The following PLD1 variants were observed in gnomAD, a reference collection of about 807,000 sequenced individuals.
PLD1 encodes the protein phospholipase D1, also known as choline phosphatase 1.
PLD1 carries 112 observed loss-of-function variants against 137.1 expected under a neutral mutation model. The observed-to-expected ratio is 0.82, with a 90% CI of 0.70 to 0.96. PLD1 has a LOEUF of 0.96. Among genes scored for constraint, PLD1 ranks in the 40% least tolerant of loss-of-function variants. PLD1 has a pLI of 0.00. For synonymous variants in PLD1, 431 were observed against 454.7 expected (o/e 0.95, Z 0.66); for missense variants, 1,321 against 1,342.0 (o/e 0.98, Z 0.24).
At chr3:171,738,298 CAA>C (rs1182355997) in intron 1 of PLD1, among the ~76,000 whole-genome samples, 1 of 137,836 alleles carries the variant, frequency 7.3e-6, no homozygotes, top group African/African-American at 2.7e-5. Context: ...TAATTGAAAA[CAA>C]GAGAAAAAAA....
chr3:171,774,891 G>T (rs1161995192), intron 1 of PLD1, among the ~76,000 whole-genome samples: 2 of 152,130 alleles, frequency 1.3e-5, no homozygotes, highest in Admixed American at 1.3e-4. Flanking sequence ...TGTTCAGGGA[G>T]GATATCCAGC....
chr3:171,615,387 G>A (rs906426273), intron 24 of PLD1, among the ~76,000 whole-genome samples: 1 of 152,074 alleles, frequency 6.6e-6, no homozygotes, highest in Non-Finnish European at 1.5e-5. Context: ...AAATACAAAA[G>A]GCTATATGAA....
At chr3:171,616,935 T>C (rs1306443002) in intron 24 of PLD1, among the ~76,000 whole-genome samples, 3 of 152,240 alleles carry the variant, frequency 2.0e-5, no homozygotes, top group Non-Finnish European at 4.4e-5. Flanking sequence ...GGTTCTTCTA[T>C]TGAGCACACT....
intron 5 of PLD1, 96 bp downstream of exon 5, chr3:171,734,769 A>G (rs768356811): frequency 8.5e-6 from 6 of 704,134 alleles, no homozygotes; most frequent in Non-Finnish European, 1.5e-5. Context: ...GGATGAGAGG[A>G]GTTGTAGCCA....
intron 1 of PLD1, among the ~76,000 whole-genome samples, chr3:171,799,753 G>T (rs1326901222): frequency 6.6e-6 from 1 of 152,140 alleles, no homozygotes; most frequent in Non-Finnish European, 1.5e-5. Flanking sequence ...ATGTACCCTT[G>T]ATACGATGTA....
intron 1 of PLD1, among the ~76,000 whole-genome samples, chr3:171,762,093 G>A (rs890499908): frequency 2.0e-5 from 3 of 152,164 alleles, no homozygotes; most frequent in Admixed American, 2.0e-4. Flanking sequence ...ATTTCTCTGA[G>A]CAAAGGTGGT....
chr3:171,735,363 T>C, intron 4 of PLD1, 129 bp downstream of exon 4: 2 of 761,752 alleles, frequency 2.6e-6, no homozygotes, highest in Non-Finnish European at 2.3e-6. Flanking sequence ...CTCAAACTCA[T>C]GACCTCAACT....
intron 6 of PLD1, among the ~76,000 whole-genome samples, chr3:171,727,167 AGGCAATG>A (rs1362995586): frequency 6.6e-6 from 1 of 152,194 alleles, no homozygotes; most frequent in African/African-American, 2.4e-5. Context: ...ATACAAAAAC[AGGCAATG>A]GGCAATGGGC....
At chr3:171,807,184 C>G (rs1723883674) in intron 1 of PLD1, among the ~76,000 whole-genome samples, 2 of 152,078 alleles carry the variant, frequency 1.3e-5, no homozygotes, top group Non-Finnish European at 2.9e-5. Flanking sequence ...TGATGCGCAC[C>G]TCTAGTTCCA....
At chr3:171,705,696 C>T (rs536254847) in intron 11 of PLD1, among the ~76,000 whole-genome samples, 1 of 152,270 alleles carries the variant, frequency 6.6e-6, no homozygotes, top group East Asian at 1.9e-4. Context: ...AGACTGACAA[C>T]ATCAAGTGCT....
chr3:171,727,992 A>G (rs1469496086), intron 6 of PLD1, among the ~76,000 whole-genome samples: 1 of 152,208 alleles, frequency 6.6e-6, no homozygotes, highest in Non-Finnish European at 1.5e-5. Flanking sequence ...TTCATACAGC[A>G]TTTTTTAAAT....
At chr3:171,800,116 T>C (rs2108358275) in intron 1 of PLD1, among the ~76,000 whole-genome samples, 1 of 152,372 alleles carries the variant, frequency 6.6e-6, no homozygotes, top group East Asian at 1.9e-4. Flanking sequence ...GAGATGTTAA[T>C]AATAGAGGAA....
At chr3:171,706,120 GTCAGTCTATCTA>G (rs1048534807) in intron 11 of PLD1, among the ~76,000 whole-genome samples, 25 of 95,548 alleles carry the variant, frequency 2.6e-4, no homozygotes, top group African/African-American at 6.6e-4. Context: ...CACCGGGTCA[GTCAGTCTATCTA>G]TCTATCTATC....
chr3:171,654,094 A>G, intron 21 of PLD1: 1 of 372,248 alleles, frequency 2.7e-6, no homozygotes, highest in Admixed American at 3.4e-5. Context: ...TGAGGTTAGG[A>G]GTTCAAAGCT....
intron 1 of PLD1, among the ~76,000 whole-genome samples, chr3:171,782,238 A>C (rs1462844045): frequency 6.6e-6 from 1 of 152,232 alleles, no homozygotes. Flanking sequence ...GCAGAGCATA[A>C]GAGGGTGGTC....
In PLD1 at chr3:171,635,965, C is replaced by CTTTTTTTTT. The variant is rs71178231; in HGVS notation, c.2593+6866_2593+6874dup. On this transcript the variant is annotated intron_variant, in intron 23 of 26. Coordinates refer to ENST00000351298, the MANE Select transcript of PLD1 (RefSeq NM_002662.5). ...ATGGTATGAGGTAGGGGTTCAACTT[C>CTTTTTTTTT]TTTTTTTTTTTTTTTTTTTTTTTTT... is the stretch of plus-strand genomic sequence containing the variant. 1.8e-3 allele frequency among the ~76,000 whole-genome samples: 89 copies of CTTTTTTTTT among 49,264 alleles called. 4 individuals carry two copies. The highest frequency in any genetic ancestry group is 3.7e-3 in the South Asian group (3 of 816). 32.3% of individuals were successfully genotyped at this position (49,264 alleles called of 152,430 possible).
At chr3:171,632,500 A>G (rs1355421911) in intron 23 of PLD1, among the ~76,000 whole-genome samples, 3 of 152,154 alleles carry the variant, frequency 2.0e-5, no homozygotes, top group Non-Finnish European at 4.4e-5. Context: ...ATACTTGATT[A>G]AGAGAATGTC....
chr3:171,619,900 A>G (rs1397697589), intron 24 of PLD1, among the ~76,000 whole-genome samples: 2 of 151,952 alleles, frequency 1.3e-5, no homozygotes, highest in East Asian at 3.9e-4. Context: ...CGAGACCCCC[A>G]TCTCAAAAAT....
intron 24 of PLD1, among the ~76,000 whole-genome samples, chr3:171,617,485 T>TGA (rs1484929641): frequency 6.6e-6 from 1 of 152,120 alleles, no homozygotes; most frequent in African/African-American, 2.4e-5. Flanking sequence ...TGGCGCTGTT[T>TGA]TACTCACGTT....
Sources: allele counts gnomAD v4.1 joint callset (sites outside exome capture counted in the v4.1 genomes callset), GRCh38; gene constraint gnomAD v4.1.1; transcripts MANE v1.5; gene names NCBI Gene and HGNC (gene_info 2026-07-23, HGNC 2026-07-21).